The following FGA variants were observed in gnomAD, a reference collection of about 807,000 sequenced individuals.
FGA encodes fibrinogen alpha chain, also known as fibrinogen, A alpha polypeptide.
In FGA, 20 loss-of-function variants were observed where a neutral mutation model predicts 20.3. The ratio of observed to expected loss-of-function variants is 0.99; its 90% CI spans 0.69 to 1.43. FGA has a LOEUF of 1.43. Ranked by LOEUF, FGA falls within the 40% of genes most tolerant of loss-of-function variation. The probability of loss-of-function intolerance (pLI) is 0.00; values close to 1 mark genes in which losing one functional copy is unlikely to be tolerated. For synonymous variants in FGA, 306 were observed against 281.6 expected (o/e 1.09, Z -0.87); for missense variants, 777 against 784.7 (o/e 0.99, Z 0.12).
chr4:154,585,954 G>A lies in FGA; in HGVS notation c.1475C>T (p.Pro492Leu). The change falls in exon 5 of 5, where the codon CCC (proline) becomes CTC (leucine). Residue 492 changes from proline (P) to leucine (L), a missense_variant. Physicochemically the swap from Pro to Leu is moderately conservative, Grantham distance 98. Transcript: ENST00000403106. ...CAATGTGCCTAAATCCATTGCCTCG[G>A]GACAGTCAGAACCATCTTCGGAGGT... ...VVTSEDGSDC[P>L]EAMDLGTLSG... is the part of the protein sequence containing the mutation. 1 of 1,614,124 alleles carries A rather than the reference G, an allele frequency of 6.2e-7. No homozygotes were observed. Among genetic ancestry groups the A allele is most frequent in the Non-Finnish European group, 8.5e-7 (1 of 1,180,010 alleles).
At chr4:154,584,617 C>T, downstream of FGA, 1 of 1,614,160 alleles carries the variant, frequency 6.2e-7, no homozygotes. Context: ...TTCTCCTTCC[C>T]CCTCGTCATT....
intron 1 of FGA, 57 bp downstream of exon 1, chr4:154,590,577 T>A: frequency 7.2e-7 from 1 of 1,396,792 alleles, no homozygotes; most frequent in South Asian, 1.2e-5. Flanking sequence ...ACCTCCAGGC[T>A]CTTTGTGGAA....
At position 154,585,905 on chromosome 4, in the gene FGA, C is replaced by T. The variant is rs1176098955; in HGVS notation, c.1524G>A (p.Gly508=). Residue 508 remains glycine (G), a synonymous_variant, in exon 5 of 5, where the codon GGG becomes GGA. Transcript: ENST00000403106. ...CTTCATCAGGGTGCCTATGGCGGAACCCATCCAGAGTACCTATGCCAGACA... is the reference window on the plus strand; with the variant it reads ...CTTCATCAGGGTGCCTATGGCGGAATCCATCCAGAGTACCTATGCCAGACA... ...GTLSGIGTLD[G]FRHRHPDEAA... 1.2e-6 allele frequency: 2 copies of T among 1,614,028 alleles called. No individual in the cohort carries two copies. Among genetic ancestry groups the T allele is most frequent in the Non-Finnish European group, 8.5e-7 (1 of 1,179,920 alleles).
chr4:154,586,435 C>G lies in FGA; in HGVS notation c.994G>C (p.Gly332Arg). 6.2e-7 allele frequency: 1 copy of G among 1,610,636 alleles called. No homozygotes were observed. The highest frequency in any genetic ancestry group is 8.5e-7 in the Non-Finnish European group (1 of 1,177,982). Residue 332 changes from glycine (G) to arginine (R), a missense_variant, in exon 5 of 5, where the codon GGA becomes CGA. Gly to Arg is a moderately radical substitution (Grantham distance 125). Coordinates refer to ENST00000403106, the MANE Select transcript of FGA (RefSeq NM_021871.4). Reference protein sequence around the residue: ...KPGSSGPGSTGSWNSGSSGTG... With the variant: ...KPGSSGPGSTRSWNSGSSGTG... ...CCAGAGCTCCCAGAGTTCCAGCTTC[C>G]AGTACTTCCAGGTCCAGAGCTCCCA...
intron 1 of FGA, among the ~76,000 whole-genome samples, chr4:154,590,300 A>G (rs949406758): frequency 1.4e-4 from 21 of 152,234 alleles, no homozygotes; most frequent in Non-Finnish European, 2.8e-4. Context: ...ATTAACTAGC[A>G]TTATAATGCA....
rs762872472 is a variant in FGA at position 154,585,459 on chromosome 4, C to T, written c.*35G>A. On this transcript the variant is annotated 3_prime_UTR_variant, in exon 5 of 5. Transcript: ENST00000403106. ...AGAGTTAAGAAGGAAATGCAAGGGG[C>T]CATGGGAACACTGTGCAGAAATATT... is the stretch of plus-strand genomic sequence containing the variant. 1.5e-6 allele frequency: 2 copies of T among 1,377,108 alleles called. No individual in the cohort carries two copies. Among genetic ancestry groups the T allele is most frequent in the East Asian group, 2.3e-5 (1 of 43,708 alleles). The allele number at this position is 1,377,108 out of a possible 1,614,324, so 85.3% of individuals were successfully genotyped here.
At chr4:154,583,904 T>TA (rs1174703232), downstream of FGA, 1 of 560,908 alleles carries the variant, frequency 1.8e-6, no homozygotes, top group Non-Finnish European at 3.2e-6. Context: ...ATAAAAATGT[T>TA]AAAACCCACA....
downstream of FGA, chr4:154,583,550 A>C (rs1730636671): frequency 6.6e-6 from 1 of 152,484 alleles, no homozygotes; most frequent in Admixed American, 6.5e-5. Context: ...TAAAGGATAG[A>C]TTTTCATTTA....
At chr4:154,583,332 A>ATAATAAT (rs1730631846), downstream of FGA, 1 of 152,224 alleles carries the variant, frequency 6.6e-6, no homozygotes, top group South Asian at 2.1e-4. Flanking sequence ...CTTACATTTA[A>ATAATAAT]TAATAATTAG....
Position 154,586,782 on chromosome 4 carries a change from C to T in FGA, c.647G>A (p.Arg216Lys), listed in dbSNP as rs1730735965. The T allele has an allele frequency of 6.2e-7, 1 of 1,614,116 alleles. No individual in the cohort carries two copies. Among genetic ancestry groups the T allele is most frequent in the Non-Finnish European group, 8.5e-7 (1 of 1,180,014 alleles). The change falls in exon 5 of 5, where the codon AGA becomes AAA. Residue 216 changes from arginine (R) to lysine (K), a missense_variant. By Grantham distance (26) the Arg-to-Lys change is conservative. Transcript: ENST00000403106. ...QVIAKDLLPS[R>K]DRQHLPLIKM... The stretch of plus-strand genomic sequence containing the variant: ...TATCAGTGGTAAGTGTTGCCTATCT[C>T]TAGAGGGAAGTAAGTCTTTGGCAAT...
At chr4:154,587,751 GA>G (rs1313813236) in intron 3 of FGA, 94 bp from the exon 4 acceptor site, 9 of 305,838 alleles carry the variant, frequency 2.9e-5, no homozygotes, top group Middle Eastern at 7.9e-4. Flanking sequence ...GAAGGAGAAA[GA>G]AAGAAAGAAA....
chr4:154,587,360 A>G, intron 4 of FGA, 152 bp downstream of exon 4: 1 of 771,354 alleles, frequency 1.3e-6, no homozygotes, highest in Non-Finnish European at 2.2e-6. Context: ...TTTTTCTTCA[A>G]CTGTGGAGTG....
downstream of FGA, chr4:154,584,392 G>A (rs1397125899): frequency 1.2e-6 from 2 of 1,614,148 alleles, no homozygotes; most frequent in East Asian, 2.2e-5. Context: ...GTTGTGAGAG[G>A]TGTACTCTGC....
In FGA at chr4:154,589,465, T is replaced by C. The variant is rs1321788355; in HGVS notation, c.152A>G (p.Asp51Gly). 6.2e-7 allele frequency: 1 copy of C among 1,614,036 alleles called. No individual in the cohort carries two copies. Among genetic ancestry groups the C allele is most frequent in the East Asian group, 2.2e-5 (1 of 44,904 alleles). The part of the protein sequence containing the change: ...ERHQSACKDS[D>G]WPFCSDEDWN... Reference sequence around the variant, plus strand: ...GTCTTCATCAGAGCAGAAGGGCCAGTCTGAATCTTTGCAGGCAGATTGATG... The same window carrying C: ...GTCTTCATCAGAGCAGAAGGGCCAGCCTGAATCTTTGCAGGCAGATTGATG... The change falls in exon 2 of 5, where the codon GAC (aspartate) becomes GGC (glycine). Residue 51 changes from aspartate to glycine, a missense_variant. Transcript: ENST00000403106.
intron 3 of FGA, among the ~76,000 whole-genome samples, chr4:154,587,889 G>A (rs1730778182): frequency 6.6e-6 from 1 of 152,088 alleles, no homozygotes; most frequent in South Asian, 2.1e-4. Flanking sequence ...AAACCTATGG[G>A]GCATTTGACT....
At chr4:154,584,161 GC>G, downstream of FGA, 1 of 1,574,804 alleles carries the variant, frequency 6.3e-7, no homozygotes. Flanking sequence ...CATGCGAACA[GC>G]CCTGAGGGAA....
intron 4 of FGA, 134 bp from the exon 5 acceptor site, chr4:154,587,052 T>C (rs1192798837): frequency 5.8e-6 from 5 of 857,734 alleles, no homozygotes; most frequent in African/African-American, 5.0e-5. Flanking sequence ...TACCACTTAA[T>C]ATTCTCTGTT....
Position 154,585,369 on chromosome 4 carries a change from C to T in FGA, c.*125G>A. On this transcript the variant is annotated 3_prime_UTR_variant, in exon 5 of 5. Transcript: ENST00000403106. ...GATGAGACAGACAAAGGCCCTGCCC[C>T]CAAGGAACTTACAGTCTAGCACAAA... is the stretch of plus-strand genomic sequence containing the variant. 1 of 1,055,754 alleles carries T rather than the reference C, an allele frequency of 9.5e-7. No individual in the cohort carries two copies. The highest frequency in any genetic ancestry group is 1.7e-5 in the South Asian group (1 of 60,254). 65.4% of individuals were successfully genotyped at this position (1,055,754 alleles called of 1,614,324 possible).
Position 154,586,887 on chromosome 4 carries a change from C to T in FGA, c.542G>A (p.Arg181Gln), listed in dbSNP as rs370628018. ...VDIDIKIRSC[R>Q]GSCSRALARE... ...AGCTAAAGCCCTACTGCATGACCCT[C>T]GACAAGATCGGATCTTAATATCAAT... Residue 181 changes from arginine (R) to glutamine (Q), a missense_variant, in exon 5 of 5, where the codon CGA becomes CAA. Coordinates refer to ENST00000403106, the MANE Select transcript of FGA (RefSeq NM_021871.4). 6.2e-7 allele frequency: 1 copy of T among 1,613,810 alleles called. No homozygotes were observed. Among genetic ancestry groups the T allele is most frequent in the African/African-American group, 1.3e-5 (1 of 74,882 alleles).
Sources: allele counts gnomAD v4.1 joint callset (sites outside exome capture counted in the v4.1 genomes callset), GRCh38; gene constraint gnomAD v4.1.1; transcripts MANE v1.5; gene names NCBI Gene and HGNC (gene_info 2026-07-23, HGNC 2026-07-21).